Variants in AEBP2 observed in about 807,000 individuals in gnomAD.
AEBP2 encodes the protein AE binding protein 2.
AEBP2 carries 10 observed loss-of-function variants against 50.8 expected under a neutral mutation model. The ratio of observed to expected loss-of-function variants is 0.20; its 90% CI spans 0.12 to 0.33. The LOEUF is 0.33. AEBP2 is among the 10% of genes least tolerant of loss of function. The pLI is 1.00. For synonymous variants in AEBP2, 296 were observed against 261.3 expected (o/e 1.13, Z -1.28); for missense variants, 570 against 688.0 (o/e 0.83, Z 1.92).
At chr12:19,473,614 C>CA (rs1774307094) in intron 3 of AEBP2, among the ~76,000 whole-genome samples, 3 of 152,038 alleles carry the variant, frequency 2.0e-5, no homozygotes, top group Admixed American at 2.0e-4. Flanking sequence ...CCATGTTGGC[C>CA]AGGATGGTCT....
At chr12:19,513,978 C>T (rs1414549185) in intron 6 of AEBP2, among the ~76,000 whole-genome samples, 1 of 125,958 alleles carries the variant, frequency 7.9e-6, no homozygotes, top group Non-Finnish European at 1.7e-5. Context: ...TTTAATCTTA[C>T]AGGTTTTGTT....
chr12:19,474,826 T>C (rs1948623905), intron 3 of AEBP2, among the ~76,000 whole-genome samples: 1 of 151,982 alleles, frequency 6.6e-6, no homozygotes, highest in African/African-American at 2.4e-5. Context: ...GGAGTCTTGC[T>C]CTGTTGCCCG....
intron 5 of AEBP2, among the ~76,000 whole-genome samples, chr12:19,511,389 C>T (rs780432126): frequency 3.0e-4 from 45 of 152,142 alleles, no homozygotes; most frequent in Non-Finnish European, 5.4e-4. Flanking sequence ...GGAAACTGTT[C>T]TCAGTATGAG....
chr12:19,494,153 G>C (rs1158450687), intron 4 of AEBP2, among the ~76,000 whole-genome samples, 167 bp downstream of exon 4: 1 of 152,174 alleles, frequency 6.6e-6, no homozygotes, highest in Non-Finnish European at 1.5e-5. Context: ...CATGTTTGTA[G>C]TAGCTAAGGG....
chr12:19,503,693 A>G (rs1949115798), intron 5 of AEBP2, among the ~76,000 whole-genome samples: 1 of 151,274 alleles, frequency 6.6e-6, no homozygotes, highest in African/African-American at 2.4e-5. Context: ...TTTTTTTTAA[A>G]CATTTATTTT....
At chr12:19,470,164 C>CTT (rs138544228) in intron 2 of AEBP2, among the ~76,000 whole-genome samples, 23 of 144,304 alleles carry the variant, frequency 1.6e-4, no homozygotes, top group African/African-American at 5.3e-4. Context: ...TTTCTTTTTT[C>CTT]TTTTTTTTTT....
chr12:19,466,954 C>A, intron 2 of AEBP2: 1 of 292,668 alleles, frequency 3.4e-6, no homozygotes, highest in Non-Finnish European at 5.1e-6. Flanking sequence ...ATCCACTTAG[C>A]ATTGTTTTTT....
upstream of AEBP2, among the ~76,000 whole-genome samples, chr12:19,438,765 T>C (rs976713173): frequency 3.3e-5 from 5 of 152,218 alleles, no homozygotes; most frequent in African/African-American, 1.2e-4. Context: ...AACGTCAATA[T>C]GAGTTCCAGA....
intron 5 of AEBP2, among the ~76,000 whole-genome samples, chr12:19,510,925 G>A (rs1306240198): frequency 2.2e-5 from 3 of 138,472 alleles, no homozygotes; most frequent in African/African-American, 8.4e-5. Flanking sequence ...CAGTGGCGCA[G>A]TCACAGCTCC....
At chr12:19,470,028 T>A (rs1948546490) in intron 2 of AEBP2, among the ~76,000 whole-genome samples, 1 of 152,226 alleles carries the variant, frequency 6.6e-6, no homozygotes, top group African/African-American at 2.4e-5. Context: ...ATTATACGTC[T>A]AAAAAGTCTC....
At chr12:19,497,546 C>T (rs1949005196) in intron 4 of AEBP2, among the ~76,000 whole-genome samples, 4 of 151,980 alleles carry the variant, frequency 2.6e-5, no homozygotes, top group African/African-American at 9.7e-5. Flanking sequence ...AATCTTAGCT[C>T]ACAGCAACCA....
At chr12:19,476,878 C>G (rs968571290) in intron 3 of AEBP2, among the ~76,000 whole-genome samples, 1 of 152,100 alleles carries the variant, frequency 6.6e-6, no homozygotes, top group Admixed American at 6.6e-5. Flanking sequence ...ATGGGAATTG[C>G]GTTGAATCTG....
intron 1 of AEBP2, among the ~76,000 whole-genome samples, chr12:19,410,179 G>A (rs910875664): frequency 2.0e-5 from 3 of 152,072 alleles, no homozygotes; most frequent in Non-Finnish European, 4.4e-5. Flanking sequence ...CTCATCCCCC[G>A]CTATGGTTGT....
intron 3 of AEBP2, among the ~76,000 whole-genome samples, chr12:19,484,743 G>A (rs973421303): frequency 6.6e-6 from 1 of 151,884 alleles, no homozygotes; most frequent in Non-Finnish European, 1.5e-5. Context: ...ATGTCTAACC[G>A]TTCAGATTTT....
chr12:19,455,477 C>T (rs1948252488), intron 1 of AEBP2, among the ~76,000 whole-genome samples: 1 of 152,072 alleles, frequency 6.6e-6, no homozygotes, highest in African/African-American at 2.4e-5. Context: ...CATAAGCATC[C>T]ATGTATTGCT....
upstream of AEBP2, among the ~76,000 whole-genome samples, chr12:19,439,417 C>G (rs1461004821): frequency 7.4e-6 from 1 of 135,066 alleles, no homozygotes; most frequent in African/African-American, 2.7e-5. Flanking sequence ...GCGGGGCGGG[C>G]GCCGGGCGGG....
intron 1 of AEBP2, among the ~76,000 whole-genome samples, chr12:19,452,396 A>G (rs1475922406): frequency 6.6e-6 from 1 of 152,264 alleles, no homozygotes; most frequent in Non-Finnish European, 1.5e-5. Flanking sequence ...AAGTAGAAAC[A>G]AGATTTAGAG....
chr12:19,428,384 T>G (rs2095749668), intron 1 of AEBP2, among the ~76,000 whole-genome samples: 1 of 152,146 alleles, frequency 6.6e-6, no homozygotes, highest in African/African-American at 2.4e-5. Context: ...TCCAATGTGG[T>G]GATGGTATGC....
intron 3 of AEBP2, among the ~76,000 whole-genome samples, chr12:19,481,123 C>T (rs1164713166): frequency 1.1e-5 from 1 of 90,868 alleles, no homozygotes; most frequent in East Asian, 4.2e-4. Flanking sequence ...TTTTTTGAGA[C>T]CGAGTCTCAC....
Sources: gnomAD v4.1 joint callset for allele counts (sites outside exome capture counted in the v4.1 genomes callset) on GRCh38, gnomAD v4.1.1 for gene constraint, MANE v1.5 for transcripts, NCBI Gene and HGNC (gene_info 2026-07-23, HGNC 2026-07-21) for gene names.